LHX8: variants seen among roughly 807,000 people sequenced by gnomAD.
LHX8 encodes LIM/homeobox protein Lhx8.
In LHX8, 12 loss-of-function variants were observed where a neutral mutation model predicts 40.3. The observed-to-expected ratio is 0.30, with a 90% CI of 0.19 to 0.48. The LOEUF (loss-of-function observed/expected upper bound fraction) is 0.48. Ranked by LOEUF, LHX8 falls within the 20% of genes least tolerant of loss-of-function variation. The probability of loss-of-function intolerance (pLI) is 0.99; values close to 1 mark genes in which losing one functional copy is unlikely to be tolerated. For missense variants in LHX8, 344 were observed against 433.7 expected, an observed-to-expected ratio of 0.79 and a Z score of 1.84; for synonymous variants, 179 against 162.0, an observed-to-expected ratio of 1.10 and a Z score of -0.80.
rs769217228 is a variant in LHX8, at chr1:75,143,785, T to C, written c.581-60T>C. 13 of 1,251,632 alleles carry C rather than the reference T, an allele frequency of 1.0e-5. No homozygotes were observed. In the East Asian group the frequency reaches 2.8e-4, roughly 27 times the overall value. 77.5% of individuals were successfully genotyped at this position (1,251,632 alleles called of 1,614,324 possible). A position where few individuals can be genotyped will look rare whatever the true frequency, so the allele number is the denominator to read the frequency against. On this transcript the variant is annotated intron_variant, in intron 5 of 8. Transcript: ENST00000356261. ...GCCAAGAGATATAAGAAACCTGTTA[T>C]TGTAAGATGGGTGTACCCATTTGAA...
At chr1:75,170,107 T>C in the LHX8 span, among the ~76,000 whole-genome samples, 1 of 152,244 alleles carries the variant, frequency 6.6e-6, no homozygotes, top group African/African-American at 2.4e-5. Flanking sequence ...CACACTGTCA[T>C]GCCTGCTGAA....
chr1:75,198,828 A>C, the LHX8 span, among the ~76,000 whole-genome samples: 3 of 152,176 alleles, frequency 2.0e-5, no homozygotes, highest in Admixed American at 6.6e-5. Context: ...ATGAGAAAAG[A>C]GATTGAGTTG....
chr1:75,161,777 C>T (rs566165791), downstream of LHX8, among the ~76,000 whole-genome samples: 4 of 151,822 alleles, frequency 2.6e-5, no homozygotes, highest in African/African-American at 4.8e-5. Flanking sequence ...GAATGGACTT[C>T]GGAGGGTATT....
the LHX8 span, among the ~76,000 whole-genome samples, chr1:75,187,344 G>C: frequency 6.6e-6 from 1 of 152,158 alleles, no homozygotes; most frequent in Non-Finnish European, 1.5e-5. Flanking sequence ...TTTGGTTATA[G>C]GGTGTTAACA....
chr1:75,171,160 G>T, the LHX8 span, among the ~76,000 whole-genome samples: 1 of 152,086 alleles, frequency 6.6e-6, no homozygotes, highest in African/African-American at 2.4e-5. Context: ...AGAATAATTA[G>T]ATCTATTTTG....
At chr1:75,171,736 T>C in the LHX8 span, among the ~76,000 whole-genome samples, 1 of 152,200 alleles carries the variant, frequency 6.6e-6, no homozygotes, top group Admixed American at 6.5e-5. Context: ...GGAGGGCTGC[T>C]GTTCCAGGTT....
At chr1:75,184,067 A>G in the LHX8 span, among the ~76,000 whole-genome samples, 2 of 152,240 alleles carry the variant, frequency 1.3e-5, no homozygotes, top group East Asian at 1.9e-4. Context: ...CAATTCAACA[A>G]GAAGACCTAA....
At chr1:75,153,566 C>G (rs557615845) in intron 7 of LHX8, among the ~76,000 whole-genome samples, 1 of 151,588 alleles carries the variant, frequency 6.6e-6, no homozygotes, top group African/African-American at 2.4e-5. Context: ...CACCTGCCAT[C>G]ATGACTGGCT....
chr1:75,188,241 C>T, the LHX8 span, among the ~76,000 whole-genome samples: 2 of 151,848 alleles, frequency 1.3e-5, no homozygotes, highest in Non-Finnish European at 2.9e-5. Flanking sequence ...GCTTTTTATC[C>T]AGGGCAGGGA....
chr1:75,161,632 C>A (rs1648921399), downstream of LHX8: 2 of 148,186 alleles, frequency 1.3e-5, no homozygotes, highest in Non-Finnish European at 3.0e-5. Flanking sequence ...TTTTGAGCTG[C>A]ATTGTATGAA....
upstream of LHX8, chr1:75,132,004 T>C (rs1465749012): frequency 1.3e-5 from 2 of 152,188 alleles, no homozygotes; most frequent in South Asian, 4.1e-4. Flanking sequence ...CGTTCAAAAT[T>C]GGAATCAATT....
intron 7 of LHX8, among the ~76,000 whole-genome samples, chr1:75,155,230 CTTTTTT>C (rs57009636): frequency 1.7e-4 from 16 of 94,372 alleles, no homozygotes; most frequent in East Asian, 7.5e-4. Context: ...GAAACACTCT[CTTTTTT>C]TTTTTTTTTT....
At chr1:75,137,554 G>A (rs551064740) in intron 3 of LHX8, among the ~76,000 whole-genome samples, 3 of 152,290 alleles carry the variant, frequency 2.0e-5, no homozygotes, top group African/African-American at 7.2e-5. Flanking sequence ...TAGTGGAAGG[G>A]AAGTGGAAAA....
intron 8 of LHX8, 111 bp from the exon 9 acceptor site, chr1:75,160,708 C>T: frequency 2.6e-6 from 2 of 774,382 alleles, no homozygotes; most frequent in Non-Finnish European, 4.7e-6. Context: ...AGCTTGGTGC[C>T]CTCAGCTATA....
intron 6 of LHX8, among the ~76,000 whole-genome samples, chr1:75,146,854 TG>T (rs1475673711): frequency 2.0e-5 from 3 of 152,180 alleles, no homozygotes; most frequent in African/African-American, 7.2e-5. Context: ...AAATACAATT[TG>T]ATTGCAGTTA....
At chr1:75,132,721 T>C (rs1648004877), upstream of LHX8, 1 of 151,130 alleles carries the variant, frequency 6.6e-6, no homozygotes, top group South Asian at 2.1e-4. Context: ...TCCTCGATAG[T>C]AGCCAGACAG....
At chr1:75,165,661 T>C (rs1480769758), downstream of LHX8, among the ~76,000 whole-genome samples, 1 of 152,124 alleles carries the variant, frequency 6.6e-6, no homozygotes, top group African/African-American at 2.4e-5. Flanking sequence ...TGCTCTCCAT[T>C]ACATTCCCCA....
intron 7 of LHX8, among the ~76,000 whole-genome samples, chr1:75,149,612 G>A (rs917882231): frequency 2.0e-5 from 3 of 151,990 alleles, no homozygotes; most frequent in Non-Finnish European, 4.4e-5. Flanking sequence ...GTGCAGTGAC[G>A]CAATCACAGC....
intron 3 of LHX8, among the ~76,000 whole-genome samples, chr1:75,138,086 T>G (rs1203054659): frequency 2.0e-5 from 3 of 152,156 alleles, no homozygotes; most frequent in Non-Finnish European, 2.9e-5. Context: ...TAAAATATTG[T>G]GGGGGAATTT....
Sources: allele counts gnomAD v4.1 joint callset (sites outside exome capture counted in the v4.1 genomes callset), GRCh38; gene constraint gnomAD v4.1.1; transcripts MANE v1.5; gene names NCBI Gene and HGNC (gene_info 2026-07-23, HGNC 2026-07-21).